The following THBS2 variants were observed in gnomAD, a reference collection of about 807,000 sequenced individuals.
THBS2 encodes thrombospondin 2.
THBS2 carries 47 observed loss-of-function variants against 135.2 expected under a neutral mutation model. The observed-to-expected ratio is 0.35, with a 90% confidence interval of 0.28 to 0.44. The LOEUF is 0.44. THBS2 is among the 20% of genes least tolerant of loss of function. The probability of loss-of-function intolerance (pLI) is 1.00; values close to 1 mark genes in which losing one functional copy is unlikely to be tolerated. For synonymous variants in THBS2, 639 were observed against 633.8 expected (o/e 1.01, Z -0.12); for missense variants, 1,288 against 1,603.1 (o/e 0.80, Z 3.36).
Position 169,232,086 on chromosome 6 carries a change from G to C in THBS2, c.2045C>G (p.Thr682Arg). The C allele has an allele frequency of 6.2e-7, 1 of 1,614,142 alleles. No individual in the cohort carries two copies. Among genetic ancestry groups the C allele is most frequent in the Non-Finnish European group, 8.5e-7 (1 of 1,180,000 alleles). The change falls in exon 13 of 22, where the codon ACA becomes AGA. Residue 682 changes from threonine (T) to arginine (R), a missense_variant. Thr to Arg is a moderately conservative substitution (Grantham distance 71). Around this residue, in one of 2 missense-constraint regions of THBS2, gnomAD observed 874 missense variants for 1,156.1 expected, o/e 0.76. Transcript: ENST00000617924. ...GATGAGCCCGTCGCCCGCGTAGCCT[G>C]TCTGGCACTCGCACTTGTACATGGG... ...SDPMYKCECQ[T>R]GYAGDGLICG... is the part of the protein sequence containing the mutation.
chr6:169,239,510 C>A, intron 7 of THBS2, 89 bp downstream of exon 7: 3 of 1,298,518 alleles, frequency 2.3e-6, no homozygotes, highest in Non-Finnish European at 3.2e-6. Context: ...CCTCACTCTT[C>A]TCTGCCAAAA....
chr6:169,218,162 AGTGG>A (rs1403662748), intron 21 of THBS2, among the ~76,000 whole-genome samples: 1 of 133,936 alleles, frequency 7.5e-6, no homozygotes, highest in Admixed American at 7.4e-5. Context: ...GGATGAAATG[AGTGG>A]GTGGATGGAT....
chr6:169,239,537 T>C, intron 7 of THBS2, 62 bp downstream of exon 7: 1 of 1,468,680 alleles, frequency 6.8e-7, no homozygotes, highest in Non-Finnish European at 9.3e-7. Context: ...AATGAATAAA[T>C]AAACAAACAA....
chr6:169,243,122 T>TTCCCACCTTCCCACCGC (rs1355238908), intron 4 of THBS2, among the ~76,000 whole-genome samples: 2 of 115,032 alleles, frequency 1.7e-5, no homozygotes, highest in African/African-American at 3.7e-5. Context: ...CACTCCTACC[T>TTCCCACCTTCCCACCGC]TCCCACCTTC....
chr6:169,244,761 C>A (rs985828539), intron 4 of THBS2, among the ~76,000 whole-genome samples: 4 of 152,140 alleles, frequency 2.6e-5, no homozygotes, highest in African/African-American at 9.7e-5. Context: ...AGTGCTGGAG[C>A]CAAGATAACT....
rs1451706316 is a variant in THBS2, at chr6:169,232,674, G to A, written c.1922C>T (p.Thr641Met). The A allele has an allele frequency of 1.9e-6, 3 of 1,604,658 alleles. No homozygotes were observed. Among genetic ancestry groups the A allele is most frequent in the East Asian group, 4.5e-5 (2 of 44,826 alleles). Reference sequence around the variant, plus strand: ...GCCGGCCTTGCGTACTTGCTTTTCCGTCTTGGCTGCTTCCAGGCCGACCCC... The same window carrying A: ...GCCGGCCTTGCGTACTTGCTTTTCCATCTTGGCTGCTTCCAGGCCGACCCC... The part of the protein sequence containing the change: ...PVGVGLEAAK[T>M]EKQVCEPENP... Residue 641 changes from threonine (T) to methionine (M), a missense_variant, in exon 12 of 22, where the codon ACG (threonine) becomes ATG (methionine). Physicochemically the swap from Thr to Met is moderately conservative, Grantham distance 81. Around this residue, in one of 2 missense-constraint regions of THBS2, gnomAD observed 874 missense variants for 1,156.1 expected, o/e 0.76. Transcript: ENST00000617924.
rs1226486206 is a variant in THBS2 at position 169,248,426 on chromosome 6, ACT to A, written c.598_599del (p.His201LeufsTer13). The A allele has an allele frequency of 1.2e-6, 2 of 1,602,910 alleles. No homozygotes were observed. The highest frequency in any genetic ancestry group is 2.2e-5 in the East Asian group (1 of 44,570). On this transcript the variant is annotated frameshift_variant, in exon 3 of 22. Coordinates refer to ENST00000617924, the MANE Select transcript of THBS2 (RefSeq NM_003247.5). LOFTEE classifies it high-confidence loss of function. Reference protein sequence around the residue: ...MYVAKGSARESHFRGLLQNVH... With the variant: ...MYVAKGSAREXHFRGLLQNVH... ...TCCCTGCAGAGCGTACCCTGAAGTG[ACT>A]CTCTCTGGCAGAGCCTTTGGCCACG...
Position 169,232,727 on chromosome 6 carries a change from C to A in THBS2, c.1869G>T (p.Pro623=). ...CGGGCTGGTTCCCTCTGTATCGGGG[C>A]GGGCAGGGCAGGCAGTGGAAGCCAG... ...TQPGFHCLPC[P]PRYRGNQPVG... is the part of the protein sequence containing the mutation. Residue 623 remains proline (P), a synonymous_variant, in exon 12 of 22, where the codon CCG becomes CCT. Coordinates refer to ENST00000617924, the MANE Select transcript of THBS2 (RefSeq NM_003247.5). The A allele has an allele frequency of 1.2e-6, 2 of 1,613,938 alleles. No homozygotes were observed. The highest frequency in any genetic ancestry group is 8.5e-7 in the Non-Finnish European group (1 of 1,179,924).
intron 1 of THBS2, among the ~76,000 whole-genome samples, chr6:169,253,316 A>G (rs1780814030): frequency 6.6e-6 from 1 of 152,212 alleles, no homozygotes; most frequent in Non-Finnish European, 1.5e-5. Flanking sequence ...GTTACTTTTC[A>G]GATATTCCGG....
At chr6:169,243,563 C>T (rs1240915554) in intron 4 of THBS2, among the ~76,000 whole-genome samples, 1 of 152,216 alleles carries the variant, frequency 6.6e-6, no homozygotes, top group Non-Finnish European at 1.5e-5. Context: ...GCAATTCATA[C>T]TAAGCTCAGA....
At chr6:169,235,942 C>CTCACTCCCCATCCACAG in intron 9 of THBS2, among the ~76,000 whole-genome samples, 1 of 125,406 alleles carries the variant, frequency 8.0e-6, no homozygotes, top group Non-Finnish European at 1.7e-5. Flanking sequence ...TCAGTCCAAA[C>CTCACTCCCCATCCACAG]TCACTCCCCA....
chr6:169,237,418 A>C, intron 8 of THBS2, 72 bp from the exon 9 acceptor site: 1 of 1,582,728 alleles, frequency 6.3e-7, no homozygotes, highest in Non-Finnish European at 8.6e-7. Context: ...GGTGTGCCTT[A>C]TTAACCGAGG....
At position 169,245,791 on chromosome 6, in the gene THBS2, C is replaced by CAA. The variant is rs77953553; in HGVS notation, c.694+404_694+405dup. On this transcript the variant is annotated intron_variant, in intron 4 of 21. Transcript: ENST00000617924. ...TGGGTGACAGAGTGAGACTCTGGCTCAAAAAAAAAAAAAAAAAAGAAAACT... is the reference window on the plus strand; with the variant it reads ...TGGGTGACAGAGTGAGACTCTGGCTCAAAAAAAAAAAAAAAAAAAAGAAAACT... Among the ~76,000 whole-genome samples the CAA allele has an allele frequency of 3.5e-3, 301 of 84,864 alleles. 4 individuals are homozygous for CAA. The highest frequency in any genetic ancestry group is 0.011 in the African/African-American group (239 of 20,886). The allele number at this position is 84,864 out of a possible 152,430, so 55.7% of individuals were successfully genotyped here.
At position 169,229,628 on chromosome 6, in the gene THBS2, C is replaced by T. The variant is rs140600818; in HGVS notation, c.2203G>A (p.Gly735Arg). 3.0e-4 allele frequency: 481 copies of T among 1,614,150 alleles called. 1 individual carries two copies. The African/African-American group carries it at 5.8e-3, about 20-fold the overall frequency. Reference sequence around the variant, plus strand: ...TCATCATCACAGGCATCGCCAATCCCGTCCTTGTCAAAGTCTTCCTGCCCA... The same window carrying T: ...TCATCATCACAGGCATCGCCAATCCTGTCCTTGTCAAAGTCTTCCTGCCCA... ...NSGQEDFDKD[G>R]IGDACDDDDD... Residue 735 changes from glycine (G) to arginine (R), a missense_variant, in exon 14 of 22, where the codon GGG becomes AGG. Around this residue, in one of 2 missense-constraint regions of THBS2, gnomAD observed 874 missense variants for 1,156.1 expected, o/e 0.76. Transcript: ENST00000617924.
At chr6:169,222,130 C>T (rs1289951702) in intron 19 of THBS2, 67 bp downstream of exon 19, 4 of 1,515,430 alleles carry the variant, frequency 2.6e-6, no homozygotes, top group Non-Finnish European at 1.8e-6. Context: ...CTGGGCTAGT[C>T]CTGCTGAAAC....
At chr6:169,247,982 C>T (rs190749362) in intron 3 of THBS2, among the ~76,000 whole-genome samples, 73 of 151,510 alleles carry the variant, frequency 4.8e-4, no homozygotes, top group Admixed American at 2.8e-3. Flanking sequence ...TTTGTGTGCA[C>T]ATGGGCATGC....
chr6:169,248,053 GT>G, intron 3 of THBS2, among the ~76,000 whole-genome samples: 1 of 150,546 alleles, frequency 6.6e-6, no homozygotes. Context: ...GCGTGTCTGT[GT>G]GTGTGTGTTG....
Position 169,222,389 on chromosome 6 carries a change from G to T in THBS2, c.3081C>A (p.Phe1027Leu). The change falls in exon 19 of 22, where the codon TTC (phenylalanine) becomes TTA (leucine). Residue 1027 changes from phenylalanine to leucine, a missense_variant. Physicochemically the swap from Phe to Leu is conservative, Grantham distance 22. Coordinates refer to ENST00000617924, the MANE Select transcript of THBS2 (RefSeq NM_003247.5). Reference sequence around the variant, plus strand: ...GGCTGCTTGACTGGTAACCAAAGACGAAGCCGGCATAGTCGTCGTCCCGGT... The same window carrying T: ...GGCTGCTTGACTGGTAACCAAAGACTAAGCCGGCATAGTCGTCGTCCCGGT... ...NTDRDDDYAGFVFGYQSSSRF... is the reference protein window; with the variant it reads ...NTDRDDDYAGLVFGYQSSSRF... The T allele has an allele frequency of 6.2e-7, 1 of 1,613,712 alleles. No homozygotes were observed. The highest frequency in any genetic ancestry group is 1.1e-5 in the South Asian group (1 of 91,084).
chr6:169,227,727 G>GAAAGGATTT (rs1287192781), intron 15 of THBS2, among the ~76,000 whole-genome samples: 66 of 152,302 alleles, frequency 4.3e-4, no homozygotes, highest in Middle Eastern at 3.4e-3. Context: ...AATGAAAGGA[G>GAAAGGATTT]CTTATCAAAA....
Sources: gnomAD v4.1 joint callset for allele counts (sites outside exome capture counted in the v4.1 genomes callset) on GRCh38, gnomAD v4.1.1 for gene constraint, gnomAD v4.1.1 regional missense constraint, MANE v1.5 for transcripts, NCBI Gene and HGNC (gene_info 2026-07-23, HGNC 2026-07-21) for gene names.